Variants in TDRD5 observed in about 807,000 individuals in gnomAD.
TDRD5 encodes the protein tudor domain containing 5.
TDRD5 carries 41 observed loss-of-function variants against 120.6 expected under a neutral mutation model. That is an observed-to-expected ratio of 0.34 (90% CI 0.26 to 0.44). The LOEUF is 0.44. Ranked by LOEUF, TDRD5 falls within the 20% of genes least tolerant of loss-of-function variation. The pLI is 1.00. For synonymous variants in TDRD5, 430 were observed against 433.7 expected (o/e 0.99, Z 0.11); for missense variants, 1,006 against 1,221.2 (o/e 0.82, Z 2.63).
intron 17 of TDRD5, among the ~76,000 whole-genome samples, chr1:179,679,835 T>A (rs1206030436): frequency 3.3e-5 from 5 of 152,108 alleles, no homozygotes; most frequent in Non-Finnish European, 5.9e-5. Context: ...TATTGATTTA[T>A]GTTCTTTCTT....
intron 17 of TDRD5, among the ~76,000 whole-genome samples, chr1:179,688,064 T>G (rs1338777706): frequency 3.3e-5 from 5 of 152,220 alleles, no homozygotes; most frequent in African/African-American, 1.2e-4. Context: ...AATATTGTTA[T>G]GTGTGAATTT....
rs2101898670 is a variant in TDRD5 at position 179,592,528 on chromosome 1, C to A, written c.-14-74C>A. The A allele has an allele frequency of 6.0e-6, 7 of 1,169,750 alleles. No individual in the cohort carries two copies. In the East Asian group the frequency reaches 1.4e-4, roughly 24 times the overall value. The allele number at this position is 1,169,750 out of a possible 1,614,324, so 72.5% of individuals were successfully genotyped here. ...AAACTGGAGTCTCAGTTATTTGTAT[C>A]CCACTATTGGTTTTTTTTTAAATCT... On this transcript the variant is annotated intron_variant, in intron 1 of 17. Coordinates refer to ENST00000444136, the MANE Select transcript of TDRD5 (RefSeq NM_001199085.3).
intron 3 of TDRD5, among the ~76,000 whole-genome samples, chr1:179,594,984 T>G (rs1452287907): frequency 6.6e-6 from 1 of 152,238 alleles, no homozygotes; most frequent in Admixed American, 6.5e-5. Context: ...TTTGTTCATG[T>G]TCTCCATCCA....
At chr1:179,617,382 A>G (rs1235107066) in intron 4 of TDRD5, among the ~76,000 whole-genome samples, 2 of 152,000 alleles carry the variant, frequency 1.3e-5, no homozygotes, top group Non-Finnish European at 2.9e-5. Context: ...TATGTTATGC[A>G]CTCTTCGTGC....
At chr1:179,597,858 A>G (rs1335358601) in intron 4 of TDRD5, among the ~76,000 whole-genome samples, 1 of 151,516 alleles carries the variant, frequency 6.6e-6, no homozygotes, top group African/African-American at 2.4e-5. Flanking sequence ...GTGTAGTTCT[A>G]TTTTGAGACT....
rs755524157 is a variant in TDRD5, at chr1:179,650,992, C to T, written c.1926C>T (p.Asn642=). 21 of 1,613,928 alleles carry T rather than the reference C, an allele frequency of 1.3e-5. No homozygotes were observed. Among genetic ancestry groups the T allele is most frequent in the East Asian group, 6.7e-5 (3 of 44,870 alleles). ...TTTTTTTGTGTGACACATCCTCAAACGAAGATGTCTATTTCCATCATGTCT... is the reference window on the plus strand; with the variant it reads ...TTTTTTTGTGTGACACATCCTCAAATGAAGATGTCTATTTCCATCATGTCT... The part of the protein sequence containing the change: ...LNIFLCDTSS[N]EDVYFHHVLR... The change falls in exon 12 of 18, where the codon AAC becomes AAT. Residue 642 remains asparagine (N), a synonymous_variant. Transcript: ENST00000444136.
Position 179,639,938 on chromosome 1 carries a change from G to C in TDRD5, c.1620G>C (p.Lys540Asn). 2 of 1,614,138 alleles carry C rather than the reference G, an allele frequency of 1.2e-6. No homozygotes were observed. The highest frequency in any genetic ancestry group is 1.7e-6 in the Non-Finnish European group (2 of 1,180,016). ...HLCCVRISEDKWWYRVIIHRV... is the reference protein window; with the variant it reads ...HLCCVRISEDNWWYRVIIHRV... ...GTTGTGTAAGGATTTCTGAGGATAA[G>C]TGGTGGTATCGGGTCATTATCCATC... The change falls in exon 10 of 18, where the codon AAG (lysine) becomes AAC (asparagine). Residue 540 changes from lysine to asparagine, a missense_variant. Lys to Asn is a moderately conservative substitution (Grantham distance 94, BLOSUM62 0). Coordinates refer to ENST00000444136, the MANE Select transcript of TDRD5 (RefSeq NM_001199085.3).
chr1:179,684,483 T>A (rs1237863768), intron 17 of TDRD5, among the ~76,000 whole-genome samples: 1 of 152,194 alleles, frequency 6.6e-6, no homozygotes, highest in Non-Finnish European at 1.5e-5. Flanking sequence ...GTCTTTGCTA[T>A]TGTGAATAGT....
Position 179,630,863 on chromosome 1 carries a change from A to G in TDRD5, c.1069A>G (p.Arg357Gly), listed in dbSNP as rs1677400106. 1 of 1,614,178 alleles carries G rather than the reference A, an allele frequency of 6.2e-7. No individual in the cohort carries two copies. The highest frequency in any genetic ancestry group is 2.2e-5 in the East Asian group (1 of 44,868). Residue 357 changes from arginine (R) to glycine (G), a missense_variant, in exon 7 of 18, where the codon AGG (arginine) becomes GGG (glycine). By Grantham distance (125) the Arg-to-Gly change is moderately radical. Coordinates refer to ENST00000444136, the MANE Select transcript of TDRD5 (RefSeq NM_001199085.3). ...TAGTGACATTCTCCATGTTGAGTTC[A>G]GGAAAGGACACCAAGACTTACTAGT... is the stretch of plus-strand genomic sequence containing the variant. ...ALSDILHVEF[R>G]KGHQDLLVFD...
At chr1:179,676,552 CG>C (rs2147796189) in intron 17 of TDRD5, among the ~76,000 whole-genome samples, 1 of 152,246 alleles carries the variant, frequency 6.6e-6, no homozygotes, top group Non-Finnish European at 1.5e-5. Context: ...TTGGTAGTGG[CG>C]AAGTCTCTCA....
intron 3 of TDRD5, 92 bp downstream of exon 3, chr1:179,593,959 C>G: frequency 6.8e-7 from 1 of 1,472,324 alleles, no homozygotes; most frequent in East Asian, 2.3e-5. Context: ...TGAAGCCTGG[C>G]TCTACTACTT....
At chr1:179,617,188 A>G (rs1180103934) in intron 4 of TDRD5, among the ~76,000 whole-genome samples, 1 of 152,122 alleles carries the variant, frequency 6.6e-6, no homozygotes, top group Admixed American at 6.5e-5. Flanking sequence ...AATAGGGGAA[A>G]ACCCTCATAA....
At chr1:179,641,876 A>C (rs1678068340) in intron 11 of TDRD5, among the ~76,000 whole-genome samples, 2 of 152,246 alleles carry the variant, frequency 1.3e-5, no homozygotes, top group East Asian at 3.9e-4. Flanking sequence ...TGACTGTTAG[A>C]AACAATGTAC....
chr1:179,645,107 A>AC (rs944409207), intron 11 of TDRD5, among the ~76,000 whole-genome samples: 1 of 104,372 alleles, frequency 9.6e-6, no homozygotes, highest in Non-Finnish European at 1.8e-5. Context: ...TTTTTTTGAG[A>AC]CGGAGTCTCG....
At position 179,690,596 on chromosome 1, in the gene TDRD5, A is replaced by G. The variant is rs188352638; in HGVS notation, c.2861-100A>G. The G allele has an allele frequency of 9.4e-4, 1,394 of 1,485,496 alleles. 5 individuals are homozygous for G. Among genetic ancestry groups the G allele is most frequent in the Non-Finnish European group, 8.8e-4 (980 of 1,110,440 alleles). 92.0% of individuals were successfully genotyped at this position (1,485,496 alleles called of 1,614,324 possible). On this transcript the variant is annotated intron_variant, in intron 17 of 17. Coordinates refer to ENST00000444136, the MANE Select transcript of TDRD5 (RefSeq NM_001199085.3). ...GGTAATTGTCGCTACCTAACAGAAA[A>G]TGATTGTAACACATATTAGTATAGA... is the stretch of plus-strand genomic sequence containing the variant.
chr1:179,640,332 A>T, intron 10 of TDRD5, 47 bp from the exon 11 acceptor site: 1 of 1,600,540 alleles, frequency 6.2e-7, no homozygotes, highest in Non-Finnish European at 8.6e-7. Flanking sequence ...AGGTGCATTT[A>T]TATATAGCAG....
At chr1:179,603,504 C>T (rs1675822375) in intron 4 of TDRD5, among the ~76,000 whole-genome samples, 1 of 152,146 alleles carries the variant, frequency 6.6e-6, no homozygotes, top group African/African-American at 2.4e-5. Flanking sequence ...ATTATGTTGG[C>T]TGTGGGTTTG....
In TDRD5 at chr1:179,663,479, C is replaced by G. The variant is rs1053413083; in HGVS notation, c.2637C>G (p.Asn879Lys). 1.9e-6 allele frequency: 3 copies of G among 1,611,168 alleles called. No individual in the cohort carries two copies. Among genetic ancestry groups the G allele is most frequent in the East Asian group, 2.2e-5 (1 of 44,822 alleles). The part of the protein sequence containing the change: ...LGAQEKNTGT[N>K]RTQKQLDING... Reference sequence around the variant, plus strand: ...CTCAGGAAAAAAATACTGGCACAAACAGGACTCAAAAGGTAAATGTCTAAT... The same window carrying G: ...CTCAGGAAAAAAATACTGGCACAAAGAGGACTCAAAAGGTAAATGTCTAAT... The change falls in exon 16 of 18, where the codon AAC becomes AAG. Residue 879 changes from asparagine (N) to lysine (K), a missense_variant. Physicochemically the swap from Asn to Lys is moderately conservative, Grantham distance 94 (BLOSUM62 0). This residue lies in a region of TDRD5 where 403 missense variants were observed against 448.1 expected (regional missense o/e 0.90). Transcript: ENST00000444136.
intron 7 of TDRD5, 123 bp from the exon 8 acceptor site, chr1:179,634,334 C>T: frequency 3.1e-6 from 3 of 956,582 alleles, no homozygotes; most frequent in South Asian, 3.9e-5. Context: ...CATTGTCTTT[C>T]TAGCACCTGG....
Sources: allele counts gnomAD v4.1 joint callset (sites outside exome capture counted in the v4.1 genomes callset), GRCh38; gene constraint gnomAD v4.1.1; regional missense constraint gnomAD v4.1.1; transcripts MANE v1.5; gene names NCBI Gene and HGNC (gene_info 2026-07-23, HGNC 2026-07-21).